The following FAM184B variants were observed in gnomAD, a reference collection of about 807,000 sequenced individuals.
FAM184B encodes family with sequence similarity 184 member B.
A neutral mutation model predicts 135.9 loss-of-function variants in FAM184B; 111 were observed. That is an observed-to-expected ratio of 0.82 (90% CI 0.70 to 0.96). The LOEUF (loss-of-function observed/expected upper bound fraction) is 0.96, where lower values mean the gene tolerates loss of function less well. Ranked by LOEUF, FAM184B falls within the 40% of genes least tolerant of loss-of-function variation. FAM184B has a pLI of 0.00. For missense variants in FAM184B, 1,375 were observed against 1,323.9 expected, an observed-to-expected ratio of 1.04 and a Z score of -0.60; for synonymous variants, 552 against 524.8, an observed-to-expected ratio of 1.05 and a Z score of -0.71.
intron 7 of FAM184B, among the ~76,000 whole-genome samples, chr4:17,681,656 C>T (rs959802530): frequency 3.8e-4 from 58 of 152,300 alleles, no homozygotes; most frequent in African/African-American, 1.3e-3. Context: ...CGGGGTGACT[C>T]TTGCCCAGCA....
chr4:17,633,413 A>G (rs185754497), intron 17 of FAM184B: 4 of 297,224 alleles, frequency 1.3e-5, no homozygotes, highest in East Asian at 1.2e-4. Context: ...AAGGCAAGGT[A>G]TATGGAGACC....
intron 5 of FAM184B, among the ~76,000 whole-genome samples, chr4:17,696,990 G>A (rs569075183): frequency 2.4e-4 from 36 of 152,174 alleles, no homozygotes; most frequent in African/African-American, 8.7e-4. Flanking sequence ...ACATTATAAC[G>A]ATGATAGGGA....
chr4:17,688,563 G>T, intron 6 of FAM184B, 32 bp from the exon 7 acceptor site: 1 of 1,466,722 alleles, frequency 6.8e-7, no homozygotes, highest in Non-Finnish European at 9.2e-7. Flanking sequence ...ACCACACAAT[G>T]AAACCAGGTT....
At chr4:17,709,668 A>G in intron 1 of FAM184B, 24 bp from the exon 2 acceptor site, 1 of 1,469,900 alleles carries the variant, frequency 6.8e-7, no homozygotes, top group Non-Finnish European at 9.0e-7. Context: ...AACAGAGCCC[A>G]GTTAGGGTGA....
chr4:17,652,712 G>A (rs1213827208), intron 11 of FAM184B, 118 bp downstream of exon 11: 22 of 1,213,892 alleles, frequency 1.8e-5, no homozygotes, highest in African/African-American at 3.1e-5. Context: ...TGAGATTCCC[G>A]GAGCCGTGGC....
chr4:17,696,510 A>G (rs1245529017), intron 5 of FAM184B, among the ~76,000 whole-genome samples: 1 of 152,214 alleles, frequency 6.6e-6, no homozygotes, highest in Non-Finnish European at 1.5e-5. Flanking sequence ...ACATGGAATG[A>G]AAGATGAACT....
intron 7 of FAM184B, among the ~76,000 whole-genome samples, 170 bp from the exon 8 acceptor site, chr4:17,664,829 C>T (rs893757703): frequency 2.6e-5 from 4 of 152,158 alleles, no homozygotes; most frequent in Admixed American, 2.0e-4. Context: ...GTGATGATGA[C>T]GTGACTAGAA....
intron 1 of FAM184B, among the ~76,000 whole-genome samples, chr4:17,732,513 C>G (rs866761265): frequency 6.6e-6 from 1 of 152,084 alleles, no homozygotes; most frequent in African/African-American, 2.4e-5. Context: ...ATATCACCTC[C>G]GATCCCACAG....
At chr4:17,634,830 C>T (rs1050937397) in intron 16 of FAM184B, among the ~76,000 whole-genome samples, 179 bp downstream of exon 16, 16 of 151,036 alleles carry the variant, frequency 1.1e-4, no homozygotes, top group Non-Finnish European at 1.8e-4. Context: ...TACAAAATCC[C>T]ATAAAAAATA....
intron 5 of FAM184B, among the ~76,000 whole-genome samples, chr4:17,696,768 G>T (rs987390893): frequency 3.9e-5 from 6 of 152,140 alleles, no homozygotes; most frequent in African/African-American, 1.2e-4. Context: ...AGCCATGATC[G>T]CATCACTGTA....
chr4:17,662,599 A>G (rs1715946512), intron 8 of FAM184B, among the ~76,000 whole-genome samples: 1 of 151,942 alleles, frequency 6.6e-6, no homozygotes, highest in Admixed American at 6.5e-5. Flanking sequence ...CGGCCTCCCA[A>G]AGTGCTGGGA....
intron 1 of FAM184B, among the ~76,000 whole-genome samples, chr4:17,743,417 T>C (rs927647734): frequency 3.9e-5 from 6 of 152,218 alleles, no homozygotes; most frequent in African/African-American, 1.2e-4. Context: ...AAGTTCACTC[T>C]GGCTGCTGCG....
At chr4:17,652,467 G>A (rs778719262) in intron 11 of FAM184B, among the ~76,000 whole-genome samples, 1 of 152,176 alleles carries the variant, frequency 6.6e-6, no homozygotes, top group African/African-American at 2.4e-5. Flanking sequence ...GAGCCTATGA[G>A]GTAGGGACAA....
At chr4:17,689,242 TG>T (rs1270085497) in intron 6 of FAM184B, among the ~76,000 whole-genome samples, 1 of 152,186 alleles carries the variant, frequency 6.6e-6, no homozygotes, top group African/African-American at 2.4e-5. Context: ...AAAGAGTGGT[TG>T]GGGGTGCTCT....
At chr4:17,724,246 AT>A (rs1218652300) in intron 1 of FAM184B, among the ~76,000 whole-genome samples, 1 of 151,980 alleles carries the variant, frequency 6.6e-6, no homozygotes, top group African/African-American at 2.4e-5. Flanking sequence ...TGGGTGATCA[AT>A]TTTTCTTCTT....
chr4:17,657,492 C>T (rs979453132), intron 10 of FAM184B, among the ~76,000 whole-genome samples: 6 of 152,082 alleles, frequency 3.9e-5, no homozygotes, highest in South Asian at 2.1e-4. Context: ...CTGCTTAAGA[C>T]GGCAGGAAGG....
At chr4:17,748,100 T>G (rs1211497197) in intron 1 of FAM184B, among the ~76,000 whole-genome samples, 2 of 73,452 alleles carry the variant, frequency 2.7e-5, no homozygotes, top group African/African-American at 5.0e-5. Context: ...AAAGACTCCG[T>G]CTGAAAAAAA....
chr4:17,666,971 T>C (rs1157533164), intron 7 of FAM184B, among the ~76,000 whole-genome samples: 1 of 151,904 alleles, frequency 6.6e-6, no homozygotes, highest in Non-Finnish European at 1.5e-5. Context: ...TTGTTTTTTG[T>C]TTTGTTTTAT....
intron 5 of FAM184B, among the ~76,000 whole-genome samples, chr4:17,693,876 C>G (rs137938620): frequency 6.6e-6 from 1 of 152,086 alleles, no homozygotes; most frequent in Non-Finnish European, 1.5e-5. Context: ...CTTTAGGAGG[C>G]TGAGGCAAGT....
Sources: gnomAD v4.1 joint callset for allele counts (sites outside exome capture counted in the v4.1 genomes callset) on GRCh38, gnomAD v4.1.1 for gene constraint, MANE v1.5 for transcripts, NCBI Gene and HGNC (gene_info 2026-07-23, HGNC 2026-07-21) for gene names.